The following TIPIN variants were observed in gnomAD, a reference collection of about 807,000 sequenced individuals.
TIPIN encodes the protein TIMELESS interacting protein.
A neutral mutation model predicts 35.6 loss-of-function variants in TIPIN; 29 were observed. The ratio of observed to expected loss-of-function variants is 0.82; its 90% CI spans 0.61 to 1.11. The LOEUF is 1.11. Ranked by LOEUF, TIPIN falls within the 50% of genes most tolerant of loss-of-function variation. TIPIN has a pLI of 0.00. For synonymous variants in TIPIN, 102 were observed against 121.5 expected, an observed-to-expected ratio of 0.84 and a Z score of 1.06; for missense variants, 296 against 345.4, an observed-to-expected ratio of 0.86 and a Z score of 1.13.
chr15:66,372,721 T>A (rs1485845423), intron 1 of TIPIN, among the ~76,000 whole-genome samples: 1 of 151,844 alleles, frequency 6.6e-6, no homozygotes, highest in Non-Finnish European at 1.5e-5. Flanking sequence ...CCGGCCAACA[T>A]GGTGAACTCT....
At chr15:66,341,406 A>G in intron 6 of TIPIN, 50 bp from the exon 7 acceptor site, 1 of 1,499,348 alleles carries the variant, frequency 6.7e-7, no homozygotes. Flanking sequence ...TAGTTAGAGA[A>G]GGGCTTCTCA....
chr15:66,380,879 T>G (rs927858465), intron 1 of TIPIN, among the ~76,000 whole-genome samples: 2 of 152,172 alleles, frequency 1.3e-5, no homozygotes, highest in Admixed American at 1.3e-4. Context: ...TATTAATCCC[T>G]ACTGTTTGAA....
At chr15:66,350,882 C>T (rs2093163022) in intron 4 of TIPIN, among the ~76,000 whole-genome samples, 1 of 148,562 alleles carries the variant, frequency 6.7e-6, no homozygotes, top group Non-Finnish European at 1.5e-5. Flanking sequence ...TGGCAGTGAG[C>T]CTAGATTGCG....
At chr15:66,354,100 C>T (rs1292104885) in intron 1 of TIPIN, among the ~76,000 whole-genome samples, 3 of 152,172 alleles carry the variant, frequency 2.0e-5, no homozygotes, top group African/African-American at 7.2e-5. Context: ...CATTAAGTAT[C>T]CAAGACTCCA....
intron 1 of TIPIN, among the ~76,000 whole-genome samples, chr15:66,364,096 G>T (rs900189690): frequency 6.6e-6 from 1 of 151,082 alleles, no homozygotes; most frequent in South Asian, 2.1e-4. Context: ...AATTCAACAT[G>T]AGATCTCGGC....
chr15:66,377,426 G>A (rs189313499), intron 1 of TIPIN, among the ~76,000 whole-genome samples: 12 of 152,110 alleles, frequency 7.9e-5, no homozygotes, highest in East Asian at 5.8e-4. Flanking sequence ...GTGCAGTGGC[G>A]CCATCTTGGC....
rs556498177 is a variant in TIPIN, at chr15:66,340,889, G to T, written c.682+261C>A. ...TGAGATTACAGGCATGAGCCACCAC[G>T]CCTGGCCAGGTGATTAAAATAATTT... On this transcript the variant is annotated intron_variant, in intron 7 of 7. Coordinates refer to ENST00000261881, the MANE Select transcript of TIPIN (RefSeq NM_017858.3). 2.6e-4 allele frequency among the ~76,000 whole-genome samples: 40 copies of T among 152,224 alleles called. 1 individual carries two copies. In the South Asian group the frequency reaches 5.8e-3, roughly 22 times the overall value.
chr15:66,382,242 CTCAGAGAGGGTAAGTAA>C (rs973789614), intron 1 of TIPIN: 11 of 518,234 alleles, frequency 2.1e-5, no homozygotes, highest in Admixed American at 1.9e-4. Context: ...TTAACTGATG[CTCAGAGAGGGTAAGTAA>C]TCAGCCAAGG....
upstream of TIPIN, among the ~76,000 whole-genome samples, chr15:66,361,132 CAAA>C (rs879611205): frequency 2.7e-5 from 3 of 110,244 alleles, no homozygotes. Flanking sequence ...GACTTTGTCT[CAAA>C]AAAAAAAAAA....
chr15:66,347,117 T>C, intron 6 of TIPIN: 2 of 384,248 alleles, frequency 5.2e-6, no homozygotes, highest in South Asian at 2.0e-5. Context: ...CTTTACATGT[T>C]TGAAAGTAGT....
upstream of TIPIN, among the ~76,000 whole-genome samples, chr15:66,357,907 G>A (rs1444528139): frequency 6.6e-6 from 1 of 151,790 alleles, no homozygotes; most frequent in South Asian, 2.1e-4. Context: ...AGTGAGCTGA[G>A]ATCATGCCAT....
intron 1 of TIPIN, 69 bp from the exon 2 acceptor site, chr15:66,353,024 T>C: frequency 6.9e-7 from 1 of 1,445,878 alleles, no homozygotes; most frequent in South Asian, 1.5e-5. Context: ...AAGTTCTACC[T>C]GCAGCCATTT....
At chr15:66,369,785 A>G (rs919140850) in intron 1 of TIPIN, among the ~76,000 whole-genome samples, 2 of 152,190 alleles carry the variant, frequency 1.3e-5, no homozygotes, top group African/African-American at 4.8e-5. Flanking sequence ...TTATAAAAAC[A>G]CCGATAAACT....
At chr15:66,375,852 A>G (rs1369699656) in intron 1 of TIPIN, among the ~76,000 whole-genome samples, 8 of 131,316 alleles carry the variant, frequency 6.1e-5, no homozygotes, top group Non-Finnish European at 1.2e-4. Flanking sequence ...CTGTAGTCCC[A>G]GCACTTTGGG....
At chr15:66,346,015 C>G (rs1039934746) in intron 6 of TIPIN, among the ~76,000 whole-genome samples, 1 of 151,554 alleles carries the variant, frequency 6.6e-6, no homozygotes, top group African/African-American at 2.4e-5. Flanking sequence ...GGCGCAATCT[C>G]GGATCACTGC....
chr15:66,352,244 T>TA (rs1265872616), intron 2 of TIPIN, 37 bp from the exon 3 acceptor site: 1 of 1,433,150 alleles, frequency 7.0e-7, no homozygotes. Flanking sequence ...TTACTGTACT[T>TA]AAATGATTTG....
At chr15:66,371,066 C>T (rs1220271602) in intron 1 of TIPIN, 6 of 221,034 alleles carry the variant, frequency 2.7e-5, no homozygotes, top group Non-Finnish European at 4.6e-5. Flanking sequence ...CAAAAATTAG[C>T]CAGGTGTGGT....
At chr15:66,379,330 T>C in intron 1 of TIPIN, 1 of 1,589,526 alleles carries the variant, frequency 6.3e-7, no homozygotes, top group Non-Finnish European at 8.5e-7. Flanking sequence ...TGGATAACTC[T>C]TAGATCTTAT....
intron 6 of TIPIN, among the ~76,000 whole-genome samples, chr15:66,343,289 A>G (rs949343095): frequency 2.6e-5 from 4 of 152,242 alleles, no homozygotes; most frequent in Admixed American, 1.3e-4. Context: ...TACATCATCC[A>G]TATTATGAAA....
Sources: gnomAD v4.1 joint callset for allele counts (sites outside exome capture counted in the v4.1 genomes callset) on GRCh38, gnomAD v4.1.1 for gene constraint, MANE v1.5 for transcripts, NCBI Gene and HGNC (gene_info 2026-07-23, HGNC 2026-07-21) for gene names.